Variants in DAPK1 observed in about 807,000 individuals in gnomAD.
DAPK1 encodes death-associated protein kinase 1.
A neutral mutation model predicts 144.9 loss-of-function variants in DAPK1; 56 were observed. The ratio of observed to expected loss-of-function variants is 0.39; its 90% confidence interval spans 0.31 to 0.48. The LOEUF (loss-of-function observed/expected upper bound fraction) is 0.48, where lower values mean the gene tolerates loss of function less well. Among genes scored for constraint, DAPK1 ranks in the 20% least tolerant of loss-of-function variants. DAPK1 has a pLI of 0.95. For synonymous variants in DAPK1, 690 were observed against 749.0 expected, an observed-to-expected ratio of 0.92 and a Z score of 1.29; for missense variants, 1,454 against 1,875.4, an observed-to-expected ratio of 0.78 and a Z score of 4.15.
At chr9:87,636,179 CAGG>C (rs1400418407) in intron 3 of DAPK1, among the ~76,000 whole-genome samples, 1 of 152,126 alleles carries the variant, frequency 6.6e-6, no homozygotes, top group African/African-American at 2.4e-5. Flanking sequence ...AGGGAAGGGT[CAGG>C]AGGAGAGCAA....
chr9:87,540,421 C>T (rs1826007100), intron 2 of DAPK1, among the ~76,000 whole-genome samples: 1 of 152,088 alleles, frequency 6.6e-6, no homozygotes, highest in Non-Finnish European at 1.5e-5. Flanking sequence ...GAACTCCCAA[C>T]CTCAGGTAAT....
intron 2 of DAPK1, among the ~76,000 whole-genome samples, chr9:87,569,857 C>T (rs1224317245): frequency 6.6e-6 from 1 of 152,200 alleles, no homozygotes; most frequent in Non-Finnish European, 1.5e-5. Flanking sequence ...TTTAAGACTT[C>T]AGAAAACAAC....
chr9:87,581,657 G>A (rs751997499), intron 2 of DAPK1, among the ~76,000 whole-genome samples: 4 of 152,136 alleles, frequency 2.6e-5, no homozygotes, highest in Non-Finnish European at 1.5e-5. Context: ...CTGGCCTGTG[G>A]AAGATAAGCT....
chr9:87,594,759 C>G (rs79034383), intron 2 of DAPK1, among the ~76,000 whole-genome samples: 7,812 of 152,342 alleles, frequency 0.051, 370 homozygotes, highest in East Asian at 0.23. Flanking sequence ...TTGCCAGTCT[C>G]AAGTGGTGAA....
rs1481788555 is a variant in DAPK1, at chr9:87,706,474, G to T, written c.3403G>T (p.Glu1135Ter). 6.2e-7 allele frequency: 1 copy of T among 1,614,066 alleles called. No individual in the cohort carries two copies. The highest frequency in any genetic ancestry group is 8.5e-7 in the Non-Finnish European group (1 of 1,179,914). Residue 1135 changes from glutamate to a stop codon, truncating the protein, a stop_gained, in exon 26 of 26, where the codon GAA (glutamate) becomes TAA (stop). Coordinates refer to ENST00000408954, the MANE Select transcript of DAPK1 (RefSeq NM_004938.4). LOFTEE classifies it high-confidence loss of function. The surrounding 1 kb of genome is among the most constrained non-coding windows in gnomAD (Gnocchi z 9.0). The part of the protein sequence containing the change: ...VYGGVRIVPV[E>*]HLTPFPCGIF... ...TGGTGGCGTGCGCATCGTGCCCGTG[G>T]AACACCTCACCCCCTTCCCATGTGG...
chr9:87,649,843 C>T (rs2274605), intron 15 of DAPK1, 78 bp from the exon 16 acceptor site: 549,940 of 1,448,580 alleles, frequency 0.38, 111,036 homozygotes, highest in Admixed American at 0.61. Flanking sequence ...CCAAATTTGA[C>T]AGGGACTCTC....
chr9:87,660,768 A>G (rs1384916025), intron 18 of DAPK1, among the ~76,000 whole-genome samples: 4 of 152,228 alleles, frequency 2.6e-5, no homozygotes, highest in African/African-American at 7.2e-5. Context: ...TTCACTTAGC[A>G]TAACGGCCTC....
rs1262857612 is a variant in DAPK1, at chr9:87,682,343, C to T, written c.2224+717C>T. Among the ~76,000 whole-genome samples, 5 of 152,334 alleles carry T rather than the reference C, an allele frequency of 3.3e-5. No homozygotes were observed. The East Asian group carries it at 9.6e-4, about 29-fold the overall frequency. On this transcript the variant is annotated intron_variant, in intron 20 of 25. Transcript: ENST00000408954. ...GATGCAATCTTGGGTGTGATTCCAA[C>T]TGAATCCTCCTTTAGACAGAGCGAG...
intron 2 of DAPK1, among the ~76,000 whole-genome samples, chr9:87,509,799 A>G (rs1162885158): frequency 6.6e-6 from 1 of 152,196 alleles, no homozygotes; most frequent in African/African-American, 2.4e-5. Context: ...CACAGATTTC[A>G]TTCCTGGGAG....
At chr9:87,553,865 CAT>C (rs1209599386) in intron 2 of DAPK1, 2 of 152,254 alleles carry the variant, frequency 1.3e-5, no homozygotes, top group African/African-American at 4.8e-5. Context: ...AAGGATGAGA[CAT>C]GTGGCTTGTG....
intron 21 of DAPK1, among the ~76,000 whole-genome samples, chr9:87,693,230 A>G (rs1825137996): frequency 6.6e-6 from 1 of 151,462 alleles, no homozygotes; most frequent in African/African-American, 2.4e-5. Flanking sequence ...TGATTGCTTT[A>G]TGGTGTCCCA....
At chr9:87,586,895 C>G (rs758379454) in intron 2 of DAPK1, among the ~76,000 whole-genome samples, 1 of 152,110 alleles carries the variant, frequency 6.6e-6, no homozygotes, top group Non-Finnish European at 1.5e-5. Flanking sequence ...AGTGATTGAG[C>G]CAATAAATTA....
intron 20 of DAPK1, among the ~76,000 whole-genome samples, chr9:87,684,760 G>A (rs557909555): frequency 6.6e-6 from 1 of 151,694 alleles, no homozygotes; most frequent in South Asian, 2.1e-4. Context: ...TCTCCTGGGA[G>A]CCGTCACGTT....
chr9:87,634,199 C>G (rs1411913801), intron 3 of DAPK1, among the ~76,000 whole-genome samples: 1 of 152,244 alleles, frequency 6.6e-6, no homozygotes, highest in African/African-American at 2.4e-5. Flanking sequence ...TTGGGACAGA[C>G]TGCAAGGCTG....
chr9:87,589,862 C>G (rs1290671886), intron 2 of DAPK1, among the ~76,000 whole-genome samples: 1 of 152,192 alleles, frequency 6.6e-6, no homozygotes, highest in African/African-American at 2.4e-5. Context: ...GGAGCCTGCA[C>G]TCCACTCACC....
At chr9:87,654,636 T>A (rs1830571548) in intron 17 of DAPK1, among the ~76,000 whole-genome samples, 1 of 152,208 alleles carries the variant, frequency 6.6e-6, no homozygotes, top group Non-Finnish European at 1.5e-5. Context: ...CCAAGTGTAA[T>A]ATGAAGTAGC....
chr9:87,700,071 T>A, intron 23 of DAPK1, 46 bp from the exon 24 acceptor site: 1 of 1,571,906 alleles, frequency 6.4e-7, no homozygotes, highest in African/African-American at 1.3e-5. Flanking sequence ...TTAAAAGGCC[T>A]GGGGACATTG....
chr9:87,574,756 T>C (rs1827480346), intron 2 of DAPK1, among the ~76,000 whole-genome samples: 1 of 152,052 alleles, frequency 6.6e-6, no homozygotes, highest in African/African-American at 2.4e-5. Context: ...CCGTCTCTAC[T>C]AAAAATACAC....
chr9:87,666,479 T>TG (rs1443673645), intron 18 of DAPK1, among the ~76,000 whole-genome samples: 1 of 137,910 alleles, frequency 7.3e-6, no homozygotes, highest in African/African-American at 3.0e-5. Flanking sequence ...TTGTTTTTGT[T>TG]TTTTTTTTTT....
Sources: allele counts gnomAD v4.1 joint callset (sites outside exome capture counted in the v4.1 genomes callset), GRCh38; gene constraint gnomAD v4.1.1; non-coding constraint Gnocchi (gnomAD v3.1); transcripts MANE v1.5; gene names NCBI Gene and HGNC (gene_info 2026-07-23, HGNC 2026-07-21).